The following SCN8A variants were observed in gnomAD, a reference collection of about 807,000 sequenced individuals.
SCN8A encodes sodium voltage-gated channel alpha subunit 8.
Under a neutral mutation model 184.1 loss-of-function variants are expected in SCN8A, and 30 were observed. The observed-to-expected ratio is 0.16, with a 90% CI of 0.12 to 0.22. SCN8A has a LOEUF of 0.22. Among genes scored for constraint, SCN8A ranks in the 10% least tolerant of loss-of-function variants. The pLI is 1.00. For synonymous variants in SCN8A, 852 were observed against 907.0 expected (o/e 0.94, Z 1.09); for missense variants, 1,057 against 2,498.9 (o/e 0.42, Z 12.30).
At chr12:51,658,465 C>A (rs143416460) in intron 1 of SCN8A, among the ~76,000 whole-genome samples, 6 of 152,026 alleles carry the variant, frequency 3.9e-5, no homozygotes, top group African/African-American at 1.4e-4. Flanking sequence ...TGATTCTGTA[C>A]CCTGCATGAA....
At chr12:51,636,317 A>G (rs901206750) in intron 1 of SCN8A, among the ~76,000 whole-genome samples, 3 of 152,132 alleles carry the variant, frequency 2.0e-5, no homozygotes, top group African/African-American at 4.8e-5. Context: ...TTTTAATAAT[A>G]CAATCTTTAT....
chr12:51,711,463 C>T (rs1024855081), intron 11 of SCN8A, among the ~76,000 whole-genome samples: 1 of 152,134 alleles, frequency 6.6e-6, no homozygotes, highest in African/African-American at 2.4e-5. Flanking sequence ...CTGAGGAAAT[C>T]GAGGCCTAGA....
chr12:51,650,506 CTTTTT>C (rs71092715), intron 1 of SCN8A, among the ~76,000 whole-genome samples: 1 of 101,056 alleles, frequency 9.9e-6, no homozygotes, highest in Non-Finnish European at 2.1e-5. Flanking sequence ...AAAAGGCACT[CTTTTT>C]TTTTTTTTTT....
At chr12:51,791,677 C>A (rs1938254890) in intron 25 of SCN8A, among the ~76,000 whole-genome samples, 1 of 152,138 alleles carries the variant, frequency 6.6e-6, no homozygotes, top group African/African-American at 2.4e-5. Flanking sequence ...AATATAACTT[C>A]CAGCCTAGGC....
chr12:51,780,282 TGTC>T (rs1470399242), intron 20 of SCN8A: 5 of 453,950 alleles, frequency 1.1e-5, no homozygotes, highest in South Asian at 6.3e-5. Context: ...GTAAGGCTCT[TGTC>T]GTCTGTTCAG....
intron 6 of SCN8A, among the ~76,000 whole-genome samples, chr12:51,694,173 T>C (rs1404222838): frequency 6.6e-6 from 1 of 152,212 alleles, no homozygotes; most frequent in Non-Finnish European, 1.5e-5. Context: ...CCTCAGGTGA[T>C]CCACCCACCT....
At chr12:51,646,856 C>T (rs1940600840) in intron 1 of SCN8A, among the ~76,000 whole-genome samples, 1 of 151,994 alleles carries the variant, frequency 6.6e-6, no homozygotes, top group Non-Finnish European at 1.5e-5. Context: ...GTCTGCAGGG[C>T]CAGGGAGATG....
At chr12:51,759,954 G>A (rs1463451782) in intron 14 of SCN8A, among the ~76,000 whole-genome samples, 1 of 152,180 alleles carries the variant, frequency 6.6e-6, no homozygotes, top group African/African-American at 2.4e-5. Flanking sequence ...GAGCAAGAGA[G>A]GGCCAAACTT....
At chr12:51,641,831 C>G (rs1940461199) in intron 1 of SCN8A, among the ~76,000 whole-genome samples, 1 of 152,140 alleles carries the variant, frequency 6.6e-6, no homozygotes, top group South Asian at 2.1e-4. Flanking sequence ...CATAAGCTAC[C>G]CTGCTTTTGT....
At chr12:51,698,481 A>G (rs971169998) in intron 6 of SCN8A, among the ~76,000 whole-genome samples, 1 of 152,204 alleles carries the variant, frequency 6.6e-6, no homozygotes, top group Non-Finnish European at 1.5e-5. Flanking sequence ...ATTGGCTACC[A>G]AGAGTGCTCA....
chr12:51,796,852 G>A (rs949320156), intron 26 of SCN8A, among the ~76,000 whole-genome samples: 2 of 152,168 alleles, frequency 1.3e-5, no homozygotes, highest in African/African-American at 2.4e-5. Flanking sequence ...CATCCAGCGC[G>A]GGAGGAGATG....
chr12:51,685,722 A>C (rs1601012), intron 3 of SCN8A, among the ~76,000 whole-genome samples: 106,910 of 151,994 alleles, frequency 0.7, 40,420 homozygotes, highest in East Asian at 0.86. Context: ...CTTGCCCCCA[A>C]AGACAATTCA....
At chr12:51,680,424 A>G (rs1221029274) in intron 2 of SCN8A, among the ~76,000 whole-genome samples, 1 of 152,176 alleles carries the variant, frequency 6.6e-6, no homozygotes, top group Non-Finnish European at 1.5e-5. Flanking sequence ...GACTGATCCT[A>G]ATTCAGAATC....
intron 12 of SCN8A, among the ~76,000 whole-genome samples, chr12:51,741,961 C>G (rs1333278059): frequency 6.6e-6 from 1 of 152,204 alleles, no homozygotes; most frequent in African/African-American, 2.4e-5. Context: ...ACCTCGACCT[C>G]CTAGAGTGCT....
intron 18 of SCN8A, 131 bp from the exon 19 acceptor site, chr12:51,770,398 T>TG: frequency 9.7e-6 from 10 of 1,029,024 alleles, no homozygotes; most frequent in Non-Finnish European, 1.4e-5. Context: ...GAATCAGACA[T>TG]TCTGATTCAG....
At chr12:51,684,823 TC>T (rs1303373115) in intron 3 of SCN8A, among the ~76,000 whole-genome samples, 1 of 152,196 alleles carries the variant, frequency 6.6e-6, no homozygotes, top group African/African-American at 2.4e-5. Flanking sequence ...AGGAATTTTT[TC>T]TGGTATTTTT....
intron 11 of SCN8A, among the ~76,000 whole-genome samples, chr12:51,721,110 ATTTATTTATTGT>A (rs1216241456): frequency 0.053 from 5,515 of 103,160 alleles, 182 homozygotes; most frequent in African/African-American, 0.063. Flanking sequence ...TATATATAAT[ATTTATTTATTGT>A]TATATATATA....
intron 1 of SCN8A, among the ~76,000 whole-genome samples, chr12:51,606,894 T>A (rs570066267): frequency 4.1e-4 from 62 of 151,296 alleles, no homozygotes; most frequent in Admixed American, 1.1e-3. Flanking sequence ...TTATATATAT[T>A]TATTTATTTA....
chr12:51,713,204 C>G, intron 11 of SCN8A: 1 of 1,172,824 alleles, frequency 8.5e-7, no homozygotes, highest in Non-Finnish European at 1.3e-6. Flanking sequence ...TTTGTATCTT[C>G]TGTAATACCA....
Sources: gnomAD v4.1 joint callset for allele counts (sites outside exome capture counted in the v4.1 genomes callset) on GRCh38, gnomAD v4.1.1 for gene constraint, MANE v1.5 for transcripts, NCBI Gene and HGNC (gene_info 2026-07-23, HGNC 2026-07-21) for gene names.